CEP89: variants seen among roughly 807,000 people sequenced by gnomAD.
CEP89 encodes centrosomal protein 89, also known as centrosomal protein of 89 kDa.
Under a neutral mutation model 97.6 loss-of-function variants are expected in CEP89, and 95 were observed. The ratio of observed to expected loss-of-function variants is 0.97; its 90% CI spans 0.82 to 1.15. The LOEUF is 1.15. Among genes scored for constraint, CEP89 ranks in the 50% most tolerant of loss-of-function variants. CEP89 has a pLI of 0.00. For synonymous variants in CEP89, 354 were observed against 349.1 expected (o/e 1.01, Z -0.16); for missense variants, 869 against 947.7 (o/e 0.92, Z 1.09).
chr19:32,953,968 A>C (rs1367811453), intron 3 of CEP89, among the ~76,000 whole-genome samples, 167 bp from the exon 4 acceptor site: 1 of 149,468 alleles, frequency 6.7e-6, no homozygotes, highest in Admixed American at 6.8e-5. Context: ...TCGTGGGTTC[A>C]CGCCATTCTC....
intron 14 of CEP89, among the ~76,000 whole-genome samples, chr19:32,904,765 T>G (rs921564172): frequency 5.9e-5 from 9 of 152,020 alleles, no homozygotes; most frequent in African/African-American, 1.9e-4. Context: ...CGAATTTTTG[T>G]ATTTTTAGTA....
intron 14 of CEP89, among the ~76,000 whole-genome samples, chr19:32,904,250 A>T (rs1379821985): frequency 2.0e-5 from 3 of 152,234 alleles, no homozygotes; most frequent in Non-Finnish European, 4.4e-5. Context: ...TTCTTAAAAG[A>T]AGCCTCAGAG....
chr19:32,949,916 C>G (rs189302665), intron 4 of CEP89, among the ~76,000 whole-genome samples: 1 of 152,096 alleles, frequency 6.6e-6, no homozygotes. Flanking sequence ...GCTACGTCCA[C>G]CTGTCTCTGT....
rs1970171569 is a variant in CEP89 at position 32,918,263 on chromosome 19, T to C, written c.1345A>G (p.Arg449Gly). ...LLLEQLEIQQRKAKDSHQERL... is the reference protein window; with the variant it reads ...LLLEQLEIQQGKAKDSHQERL... Reference sequence around the variant, plus strand: ...TCCTGGTGGCTGTCCTTGGCTTTCCTTTGCTGAATCTCCAACTGCTCCAGC... The same window carrying C: ...TCCTGGTGGCTGTCCTTGGCTTTCCCTTGCTGAATCTCCAACTGCTCCAGC... The change falls in exon 13 of 19, where the codon AGG becomes GGG. Residue 449 changes from arginine (R) to glycine (G), a missense_variant. Transcript: ENST00000305768. 6.2e-7 allele frequency: 1 copy of C among 1,614,074 alleles called. No individual in the cohort carries two copies.
At chr19:32,962,107 G>A (rs967603696) in intron 2 of CEP89, among the ~76,000 whole-genome samples, 4 of 151,788 alleles carry the variant, frequency 2.6e-5, no homozygotes, top group Non-Finnish European at 5.9e-5. Flanking sequence ...TTGGCTCTGT[G>A]CCATTACCCA....
intron 11 of CEP89, among the ~76,000 whole-genome samples, chr19:32,925,972 C>T (rs907199952): frequency 7.9e-5 from 12 of 152,094 alleles, no homozygotes; most frequent in African/African-American, 2.9e-4. Context: ...CTATCCACCC[C>T]TCCTGCTCTG....
intron 16 of CEP89, among the ~76,000 whole-genome samples, chr19:32,892,376 T>C (rs1293306637): frequency 6.6e-6 from 1 of 151,328 alleles, no homozygotes; most frequent in Admixed American, 6.6e-5. Context: ...CTATCTCAGC[T>C]CACTGTAGCC....
rs60785987 is a variant in CEP89 at position 32,880,639 on chromosome 19, TAAAAAA to T, written c.2135+1199_2135+1204del. 1.0e-3 allele frequency among the ~76,000 whole-genome samples: 142 copies of T among 137,708 alleles called. 1 individual carries two copies. Among genetic ancestry groups the T allele is most frequent in the Admixed American group, 6.2e-3 (83 of 13,442 alleles). The allele number at this position is 137,708 out of a possible 152,430, so 90.3% of individuals were successfully genotyped here. On this transcript the variant is annotated intron_variant, in intron 18 of 18. Coordinates refer to ENST00000305768, the MANE Select transcript of CEP89 (RefSeq NM_032816.5). ...AGGCAACAGAGCAAGACCTTGTATT[TAAAAAA>T]AAAAAAAAAAAAAAAATTCCCCAGA...
intron 14 of CEP89, among the ~76,000 whole-genome samples, chr19:32,913,568 C>T (rs1247650425): frequency 6.6e-6 from 1 of 151,926 alleles, no homozygotes; most frequent in Non-Finnish European, 1.5e-5. Flanking sequence ...CACTATAAGT[C>T]CCACATCCTG....
At chr19:32,958,632 T>A (rs1004039604) in intron 3 of CEP89, among the ~76,000 whole-genome samples, 1 of 151,854 alleles carries the variant, frequency 6.6e-6, no homozygotes, top group Non-Finnish European at 1.5e-5. Flanking sequence ...TGAGCCAGGA[T>A]TGCACCACTG....
rs147419173 is a variant in CEP89 at position 32,961,135 on chromosome 19, G to A, written c.147-1077C>T. Among the ~76,000 whole-genome samples the A allele has an allele frequency of 2.6e-4, 39 of 152,210 alleles. No individual in the cohort carries two copies. In the East Asian group the frequency reaches 6.0e-3, roughly 23 times the overall value. ...CAGGTGCTTACATACAGCCCAAGACGGCAGCTGCTCCCACCAGGAAGACTG... is the reference window on the plus strand; with the variant it reads ...CAGGTGCTTACATACAGCCCAAGACAGCAGCTGCTCCCACCAGGAAGACTG... On this transcript the variant is annotated intron_variant, in intron 2 of 18. Transcript: ENST00000305768.
At chr19:32,915,918 GAAA>G (rs67539579) in intron 13 of CEP89, among the ~76,000 whole-genome samples, 21,490 of 119,752 alleles carry the variant, frequency 0.18, 1,707 homozygotes, top group Non-Finnish European at 0.22. Context: ...GACTCTCTCA[GAAA>G]AAAAAAAAAA....
chr19:32,944,670 A>T (rs1970758986), intron 5 of CEP89, among the ~76,000 whole-genome samples: 1 of 152,142 alleles, frequency 6.6e-6, no homozygotes, highest in Non-Finnish European at 1.5e-5. Flanking sequence ...TACTAGCAAG[A>T]GGGGACTGTG....
chr19:32,918,243 G>GT lies in CEP89; in HGVS notation c.1364dup (p.His455GlnfsTer10), dbSNP rs1247474620. The stretch of plus-strand genomic sequence containing the variant: ...CCTCACCTTCTTGGAGGCGCTCCTG[G>GT]TGGCTGTCCTTGGCTTTCCTTTGCT... On this transcript the variant is annotated frameshift_variant, in exon 13 of 19. Transcript: ENST00000305768. LOFTEE classifies it high-confidence loss of function. 1 of 1,614,058 alleles carries GT rather than the reference G, an allele frequency of 6.2e-7. No homozygotes were observed. The highest frequency in any genetic ancestry group is 1.3e-5 in the African/African-American group (1 of 75,040).
At chr19:32,908,384 T>C (rs1302529200) in intron 14 of CEP89, among the ~76,000 whole-genome samples, 1 of 152,158 alleles carries the variant, frequency 6.6e-6, no homozygotes, top group Non-Finnish European at 1.5e-5. Flanking sequence ...TGAACAGCTT[T>C]GGGCTCAGAG....
At chr19:32,891,863 AAAAG>A (rs911902848) in intron 16 of CEP89, among the ~76,000 whole-genome samples, 25 of 150,216 alleles carry the variant, frequency 1.7e-4, no homozygotes, top group Admixed American at 6.6e-5. Flanking sequence ...GAAAAGGAGC[AAAAG>A]AAAGAGAGAA....
At chr19:32,920,571 C>G (rs1225890985) in intron 12 of CEP89, among the ~76,000 whole-genome samples, 1 of 152,038 alleles carries the variant, frequency 6.6e-6, no homozygotes, top group Non-Finnish European at 1.5e-5. Context: ...GCAGCCTCCA[C>G]CTCCTGGGTT....
intron 3 of CEP89, among the ~76,000 whole-genome samples, chr19:32,959,561 A>G (rs1167535205): frequency 6.6e-6 from 1 of 152,232 alleles, no homozygotes; most frequent in Non-Finnish European, 1.5e-5. Flanking sequence ...AGGTTGCTGC[A>G]CAAAGAAACT....
chr19:32,886,354 G>A (rs1314426863), intron 17 of CEP89, among the ~76,000 whole-genome samples: 1 of 152,126 alleles, frequency 6.6e-6, no homozygotes, highest in African/African-American at 2.4e-5. Flanking sequence ...TGTCCTTCCA[G>A]ACTTCCCATG....
Sources: allele counts gnomAD v4.1 joint callset (sites outside exome capture counted in the v4.1 genomes callset), GRCh38; gene constraint gnomAD v4.1.1; transcripts MANE v1.5; gene names NCBI Gene and HGNC (gene_info 2026-07-23, HGNC 2026-07-21).